SHISA9: variants seen among roughly 807,000 people sequenced by gnomAD.
The protein encoded by SHISA9 is protein shisa-9.
SHISA9 carries 13 observed loss-of-function variants against 38.0 expected under a neutral mutation model. The observed-to-expected ratio is 0.34, with a 90% CI of 0.22 to 0.54. The LOEUF is 0.54. Among genes scored for constraint, SHISA9 ranks in the 20% least tolerant of loss-of-function variants. The pLI is 0.91. For missense variants in SHISA9, 538 were observed against 575.8 expected (o/e 0.93, Z 0.67); for synonymous variants, 275 against 242.0 (o/e 1.14, Z -1.27).
intron 2 of SHISA9, among the ~76,000 whole-genome samples, chr16:13,003,889 T>TAATAATAATAAG (rs770958492): frequency 4.1e-5 from 6 of 145,878 alleles, no homozygotes; most frequent in Non-Finnish European, 7.5e-5. Flanking sequence ...ATAATAATAA[T>TAATAATAATAAG]AAGAAGAAGA....
At chr16:13,526,721 C>T in the SHISA9 span, among the ~76,000 whole-genome samples, 1 of 152,102 alleles carries the variant, frequency 6.6e-6, no homozygotes, top group African/African-American at 2.4e-5. Flanking sequence ...CTCCCCTCTA[C>T]ACATATTAGC....
chr16:13,498,347 C>T, the SHISA9 span, among the ~76,000 whole-genome samples: 1 of 152,190 alleles, frequency 6.6e-6, no homozygotes, highest in Non-Finnish European at 1.5e-5. Flanking sequence ...ACATGGTCAA[C>T]TACATACATT....
chr16:13,387,038 C>T, the SHISA9 span, among the ~76,000 whole-genome samples: 1 of 152,112 alleles, frequency 6.6e-6, no homozygotes, highest in East Asian at 1.9e-4. Flanking sequence ...TCTGTGCCTT[C>T]CCCTCCAGCA....
the SHISA9 span, among the ~76,000 whole-genome samples, chr16:13,427,075 A>C: frequency 6.6e-6 from 1 of 152,214 alleles, no homozygotes; most frequent in African/African-American, 2.4e-5. Context: ...TTTTATCAGG[A>C]ACTTTCCTAA....
At chr16:13,455,614 C>G in the SHISA9 span, among the ~76,000 whole-genome samples, 1 of 152,150 alleles carries the variant, frequency 6.6e-6, no homozygotes, top group African/African-American at 2.4e-5. Flanking sequence ...TTCATTCAAC[C>G]CTTTACAAAG....
chr16:13,080,254 T>A (rs1313682010), intron 2 of SHISA9, among the ~76,000 whole-genome samples: 1 of 152,106 alleles, frequency 6.6e-6, no homozygotes, highest in Non-Finnish European at 1.5e-5. Context: ...GCGCCTGTAA[T>A]CCCAGCTACT....
chr16:13,010,323 T>C (rs2072656066), intron 2 of SHISA9, among the ~76,000 whole-genome samples: 1 of 152,206 alleles, frequency 6.6e-6, no homozygotes, highest in African/African-American at 2.4e-5. Flanking sequence ...ATGTTTCAAA[T>C]TGGTTACTGA....
At chr16:13,220,907 A>AG (rs2051217643) in intron 4 of SHISA9, among the ~76,000 whole-genome samples, 1 of 152,154 alleles carries the variant, frequency 6.6e-6, no homozygotes, top group African/African-American at 2.4e-5. Context: ...GCCACAACAA[A>AG]GGGGGCCCAT....
At chr16:13,449,483 G>T in the SHISA9 span, among the ~76,000 whole-genome samples, 3 of 152,236 alleles carry the variant, frequency 2.0e-5, no homozygotes, top group African/African-American at 7.2e-5. Flanking sequence ...GAGCATGAGG[G>T]AACTTCCTGG....
At chr16:13,349,194 C>A in the SHISA9 span, among the ~76,000 whole-genome samples, 1 of 152,194 alleles carries the variant, frequency 6.6e-6, no homozygotes, top group Non-Finnish European at 1.5e-5. Flanking sequence ...TTCCCACCAG[C>A]AAAATGCCAG....
chr16:13,550,022 C>CAAA, the SHISA9 span, among the ~76,000 whole-genome samples: 13 of 133,456 alleles, frequency 9.7e-5, no homozygotes, highest in African/African-American at 3.0e-4. Flanking sequence ...GACTGTGTCT[C>CAAA]AAAAAAAAAA....
At chr16:13,019,759 C>CTTCT (rs2072801122) in intron 2 of SHISA9, among the ~76,000 whole-genome samples, 1 of 147,230 alleles carries the variant, frequency 6.8e-6, no homozygotes, top group Non-Finnish European at 1.5e-5. Context: ...CTTTTCTTTT[C>CTTCT]TTTCTTTTCT....
At chr16:13,459,286 T>C in the SHISA9 span, among the ~76,000 whole-genome samples, 1 of 152,106 alleles carries the variant, frequency 6.6e-6, no homozygotes, top group Non-Finnish European at 1.5e-5. Flanking sequence ...CAGAGGATTT[T>C]GACAAAAACT....
chr16:13,371,473 A>G, the SHISA9 span, among the ~76,000 whole-genome samples: 2 of 152,118 alleles, frequency 1.3e-5, no homozygotes, highest in African/African-American at 2.4e-5. Context: ...GCTGTGGTTC[A>G]TTTGATGTGG....
At chr16:13,152,424 A>G (rs192776564) in intron 2 of SHISA9, among the ~76,000 whole-genome samples, 5 of 152,356 alleles carry the variant, frequency 3.3e-5, no homozygotes, top group Non-Finnish European at 7.3e-5. Context: ...TTAAACAAAT[A>G]CATGATCTAT....
At chr16:13,511,209 C>A in the SHISA9 span, among the ~76,000 whole-genome samples, 25 of 152,152 alleles carry the variant, frequency 1.6e-4, no homozygotes, top group Admixed American at 3.3e-4. Context: ...TCCATAAATT[C>A]TTTGGGGAAA....
the SHISA9 span, among the ~76,000 whole-genome samples, chr16:13,254,545 G>A: frequency 6.6e-6 from 1 of 152,226 alleles, no homozygotes; most frequent in African/African-American, 2.4e-5. Context: ...AGAATAGACT[G>A]ATTGCTTATT....
At chr16:13,194,630 T>C (rs2050919583) in intron 2 of SHISA9, among the ~76,000 whole-genome samples, 1 of 152,224 alleles carries the variant, frequency 6.6e-6, no homozygotes, top group Non-Finnish European at 1.5e-5. Flanking sequence ...TCATTTTTTG[T>C]GTTACTTCTG....
chr16:12,914,555 C>CT (rs1420806837), intron 1 of SHISA9, among the ~76,000 whole-genome samples: 1 of 152,058 alleles, frequency 6.6e-6, no homozygotes. Context: ...CAGACTCAGT[C>CT]TTTTCCTCTC....
Sources: allele counts gnomAD v4.1 joint callset (sites outside exome capture counted in the v4.1 genomes callset), GRCh38; gene constraint gnomAD v4.1.1; transcripts MANE v1.5; gene names NCBI Gene and HGNC (gene_info 2026-07-23, HGNC 2026-07-21).